Variants in PALLD observed in about 807,000 individuals in gnomAD.
PALLD encodes palladin, cytoskeletal associated protein, also known as palladin.
In PALLD, 61 loss-of-function variants were observed where a neutral mutation model predicts 123.5. The ratio of observed to expected loss-of-function variants is 0.49; its 90% confidence interval spans 0.40 to 0.61. The LOEUF is 0.61. Ranked by LOEUF, PALLD falls within the 20% of genes least tolerant of loss-of-function variation. The pLI, the probability that PALLD is intolerant of heterozygous loss-of-function variation, is 0.00. For synonymous variants in PALLD, 465 were observed against 496.4 expected (o/e 0.94, Z 0.84); for missense variants, 1,273 against 1,377.0 (o/e 0.92, Z 1.20).
chr4:168,635,829 G>C (rs1266834795), intron 2 of PALLD, among the ~76,000 whole-genome samples: 2 of 152,132 alleles, frequency 1.3e-5, no homozygotes, highest in African/African-American at 4.8e-5. Context: ...GGGATTTAAA[G>C]GAAAACATGT....
chr4:168,668,437 C>A, intron 3 of PALLD, 69 bp downstream of exon 3: 2 of 1,302,086 alleles, frequency 1.5e-6, no homozygotes, highest in Non-Finnish European at 2.1e-6. Flanking sequence ...GTATCTTGGG[C>A]ATGCAAATGT....
chr4:168,669,018 T>C (rs1397141045), intron 3 of PALLD, among the ~76,000 whole-genome samples: 1 of 152,246 alleles, frequency 6.6e-6, no homozygotes, highest in Non-Finnish European at 1.5e-5. Context: ...TCAATACCAA[T>C]AATTTAGAAT....
At chr4:168,711,450 G>A (rs1784827290) in intron 9 of PALLD, 131 bp from the exon 10 acceptor site, 2 of 737,872 alleles carry the variant, frequency 2.7e-6, no homozygotes, top group African/African-American at 1.7e-5. Flanking sequence ...CGTCAGATGA[G>A]AGCAGCACAA....
At position 168,690,732 on chromosome 4, in the gene PALLD, A is replaced by G; in HGVS notation, c.1465A>G (p.Ile489Val). 1.9e-6 allele frequency: 3 copies of G among 1,614,178 alleles called. No individual in the cohort carries two copies. Among genetic ancestry groups the G allele is most frequent in the Middle Eastern group, 1.6e-4 (1 of 6,062 alleles). ...AATCCAAGACTCTCCAGATTTCCGA[A>G]TTCTACAGAAAAGTAAGGAGAAGTG... ...SEIQDSPDFR[I>V]LQKKPRSTAE... Residue 489 changes from isoleucine to valine, a missense_variant, in exon 7 of 22, where the codon ATT (isoleucine) becomes GTT (valine). Physicochemically the swap from Ile to Val is conservative, Grantham distance 29. Transcript: ENST00000505667.
chr4:168,744,200 T>C (rs565114453), intron 10 of PALLD, among the ~76,000 whole-genome samples: 2 of 107,814 alleles, frequency 1.9e-5, no homozygotes, highest in East Asian at 3.2e-4. Flanking sequence ...GGGGTGAGTG[T>C]GGTGTATAAA....
intron 2 of PALLD, among the ~76,000 whole-genome samples, chr4:168,520,883 A>C (rs1158144197): frequency 6.6e-6 from 1 of 152,248 alleles, no homozygotes; most frequent in Non-Finnish European, 1.5e-5. Flanking sequence ...GTGGAATATC[A>C]CTATACAGTT....
At chr4:168,880,555 G>A (rs1217054475) in intron 10 of PALLD, among the ~76,000 whole-genome samples, 1 of 152,114 alleles carries the variant, frequency 6.6e-6, no homozygotes, top group Non-Finnish European at 1.5e-5. Context: ...TTTTTCCTCT[G>A]GCATACTATG....
intron 1 of PALLD, chr4:168,507,582 T>C (rs1962362): frequency 0.4 from 80,525 of 202,276 alleles, 17,024 homozygotes; most frequent in East Asian, 0.54. Flanking sequence ...GATAAATGTG[T>C]GCACCCCCTG....
At chr4:168,681,508 A>G (rs1426003982) in intron 4 of PALLD, 110 bp downstream of exon 4, 1 of 737,502 alleles carries the variant, frequency 1.4e-6, no homozygotes, top group Non-Finnish European at 2.4e-6. Flanking sequence ...AACTGATGTT[A>G]ATCAGAGATC....
At chr4:168,884,078 C>T (rs1386134000) in intron 10 of PALLD, among the ~76,000 whole-genome samples, 3 of 152,108 alleles carry the variant, frequency 2.0e-5, no homozygotes, top group East Asian at 1.9e-4. Context: ...TAAACTCTAA[C>T]ATAGCATTAG....
chr4:168,879,809 G>A (rs1249082417), intron 10 of PALLD, among the ~76,000 whole-genome samples: 2 of 152,224 alleles, frequency 1.3e-5, no homozygotes, highest in Non-Finnish European at 2.9e-5. Context: ...ATGGACTTCT[G>A]TTGAAAGTTG....
At chr4:168,853,357 G>A (rs111787511) in intron 10 of PALLD, among the ~76,000 whole-genome samples, 5,198 of 152,216 alleles carry the variant, frequency 0.034, 119 homozygotes, top group Middle Eastern at 0.058. Context: ...TCACTCCTCT[G>A]TCAGCATCCT....
intron 2 of PALLD, among the ~76,000 whole-genome samples, chr4:168,571,394 C>T (rs543721984): frequency 6.6e-6 from 1 of 152,240 alleles, no homozygotes; most frequent in South Asian, 2.1e-4. Flanking sequence ...AATTTATCTG[C>T]TTTGATAGTT....
At chr4:168,497,581 T>C (rs1760881303) in intron 1 of PALLD, among the ~76,000 whole-genome samples, 1 of 152,214 alleles carries the variant, frequency 6.6e-6, no homozygotes, top group African/African-American at 2.4e-5. Flanking sequence ...CACCCATATT[T>C]AAGCTAGATA....
At chr4:168,900,254 T>G (rs1312131625) in intron 14 of PALLD, among the ~76,000 whole-genome samples, 1 of 152,186 alleles carries the variant, frequency 6.6e-6, no homozygotes, top group Non-Finnish European at 1.5e-5. Context: ...GAGTCCCATT[T>G]CAGCATGAGA....
chr4:168,894,495 G>T, intron 11 of PALLD, 84 bp from the exon 12 acceptor site: 1 of 818,302 alleles, frequency 1.2e-6, no homozygotes, highest in Non-Finnish European at 2.1e-6. Context: ...ATGAAAGTGT[G>T]TTGTTTTTTA....
At chr4:168,753,934 G>T (rs2150397333) in intron 10 of PALLD, among the ~76,000 whole-genome samples, 1 of 152,252 alleles carries the variant, frequency 6.6e-6, no homozygotes, top group African/African-American at 2.4e-5. Flanking sequence ...GCTTATTGTT[G>T]TTCTAAGCCA....
chr4:168,569,715 A>G (rs1473612058), intron 2 of PALLD, among the ~76,000 whole-genome samples: 1 of 152,180 alleles, frequency 6.6e-6, no homozygotes, highest in African/African-American at 2.4e-5. Context: ...ATGCAGGCCA[A>G]ATGTGCTCTG....
chr4:168,916,193 G>A (rs1346854354), intron 17 of PALLD, among the ~76,000 whole-genome samples, 166 bp downstream of exon 17: 1 of 152,136 alleles, frequency 6.6e-6, no homozygotes, highest in South Asian at 2.1e-4. Flanking sequence ...CGGGCAGATC[G>A]CTTGATCCCA....
Sources: gnomAD v4.1 joint callset for allele counts (sites outside exome capture counted in the v4.1 genomes callset) on GRCh38, gnomAD v4.1.1 for gene constraint, MANE v1.5 for transcripts, NCBI Gene and HGNC (gene_info 2026-07-23, HGNC 2026-07-21) for gene names.